ADAM32: variants seen among roughly 807,000 people sequenced by gnomAD.
ADAM32 encodes the protein ADAM metallopeptidase domain 32.
ADAM32 carries 89 observed loss-of-function variants against 114.9 expected under a neutral mutation model. That is an observed-to-expected ratio of 0.77 (90% CI 0.65 to 0.92). The LOEUF (loss-of-function observed/expected upper bound fraction) is 0.92. ADAM32 is among the 40% of genes least tolerant of loss of function. ADAM32 has a pLI of 0.00. For missense variants in ADAM32, 870 were observed against 932.8 expected, an observed-to-expected ratio of 0.93 and a Z score of 0.88; for synonymous variants, 285 against 307.5, an observed-to-expected ratio of 0.93 and a Z score of 0.77.
chr8:39,173,711 T>C (rs1193130026), intron 10 of ADAM32, among the ~76,000 whole-genome samples: 1 of 152,204 alleles, frequency 6.6e-6, no homozygotes, highest in Non-Finnish European at 1.5e-5. Flanking sequence ...GATTGCTTTT[T>C]TCATTTTTGT....
intron 12 of ADAM32, among the ~76,000 whole-genome samples, chr8:39,212,215 C>T (rs374473922): frequency 3.3e-5 from 5 of 152,076 alleles, no homozygotes; most frequent in East Asian, 3.9e-4. Context: ...GGTTTCATCA[C>T]GTTGGTCAGG....
chr8:39,161,793 CAGGGAAA>C (rs981335439), intron 7 of ADAM32, among the ~76,000 whole-genome samples: 5 of 151,746 alleles, frequency 3.3e-5, no homozygotes, highest in Non-Finnish European at 5.9e-5. Context: ...AATTAGAGTA[CAGGGAAA>C]AGGGAAAAGG....
At chr8:39,167,573 G>C (rs1191962033) in intron 9 of ADAM32, 1 of 152,050 alleles carries the variant, frequency 6.6e-6, no homozygotes, top group Non-Finnish European at 1.5e-5. Context: ...TTCTAATTCT[G>C]TGAAGAATGA....
intron 2 of ADAM32, among the ~76,000 whole-genome samples, chr8:39,122,466 G>A (rs1258728406): frequency 1.3e-5 from 2 of 152,158 alleles, no homozygotes; most frequent in African/African-American, 4.8e-5. Flanking sequence ...TGAGAACATA[G>A]TGAGAAAAGA....
chr8:39,108,126 A>T (rs939038915), intron 1 of ADAM32: 13 of 320,458 alleles, frequency 4.1e-5, no homozygotes, highest in African/African-American at 2.8e-4. Context: ...CTACAAAAAA[A>T]TTTAAAAAAA....
intron 14 of ADAM32, among the ~76,000 whole-genome samples, chr8:39,229,152 A>G (rs978073709): frequency 2.6e-5 from 4 of 152,230 alleles, no homozygotes; most frequent in African/African-American, 9.6e-5. Context: ...GCCATTACCA[A>G]GCCACCACTA....
At chr8:39,134,087 C>G (rs762569834) in intron 2 of ADAM32, among the ~76,000 whole-genome samples, 8 of 152,086 alleles carry the variant, frequency 5.3e-5, no homozygotes, top group Non-Finnish European at 1.2e-4. Flanking sequence ...CCCAGCTGCC[C>G]CACTTGTTCC....
intron 14 of ADAM32, among the ~76,000 whole-genome samples, chr8:39,226,437 CA>C (rs1809375047): frequency 6.6e-6 from 1 of 151,700 alleles, no homozygotes; most frequent in Admixed American, 6.6e-5. Context: ...ATACCAAGCT[CA>C]AAATTCTTCA....
chr8:39,235,097 G>C (rs919320668), intron 16 of ADAM32, among the ~76,000 whole-genome samples: 1 of 151,934 alleles, frequency 6.6e-6, no homozygotes, highest in African/African-American at 2.4e-5. Flanking sequence ...CCCAGGATCT[G>C]TAAATAATAA....
chr8:39,123,518 A>G (rs1296618775), intron 2 of ADAM32, among the ~76,000 whole-genome samples: 2 of 152,050 alleles, frequency 1.3e-5, no homozygotes, highest in South Asian at 4.1e-4. Flanking sequence ...CATTTCCCAT[A>G]TTGCATGCTC....
intron 19 of ADAM32, among the ~76,000 whole-genome samples, chr8:39,265,589 A>G (rs1191821697): frequency 6.6e-6 from 1 of 152,194 alleles, no homozygotes; most frequent in Non-Finnish European, 1.5e-5. Flanking sequence ...TTATAGTGTC[A>G]GGGGGCTATG....
intron 1 of ADAM32, among the ~76,000 whole-genome samples, chr8:39,110,012 T>G (rs1840093460): frequency 6.6e-6 from 1 of 151,704 alleles, no homozygotes; most frequent in South Asian, 2.1e-4. Flanking sequence ...TTTTTTTTAC[T>G]TAATAATATG....
At chr8:39,223,002 T>A in intron 13 of ADAM32, 38 bp from the exon 14 acceptor site, 1 of 1,481,296 alleles carries the variant, frequency 6.8e-7, no homozygotes, top group Non-Finnish European at 9.0e-7. Context: ...GTAATCCTAT[T>A]TGTAATGCTT....
chr8:39,284,311 T>A (rs1250366029), intron 24 of ADAM32, among the ~76,000 whole-genome samples: 1 of 151,934 alleles, frequency 6.6e-6, no homozygotes, highest in Non-Finnish European at 1.5e-5. Flanking sequence ...TAGGCTATAA[T>A]GCTTCAGGTC....
At chr8:39,126,082 G>A (rs1021701059) in intron 2 of ADAM32, among the ~76,000 whole-genome samples, 4 of 152,114 alleles carry the variant, frequency 2.6e-5, no homozygotes, top group African/African-American at 9.7e-5. Flanking sequence ...GTAGTTTGAG[G>A]TCATGTAGCA....
chr8:39,138,484 C>A (rs1802941333), intron 3 of ADAM32, among the ~76,000 whole-genome samples: 1 of 152,174 alleles, frequency 6.6e-6, no homozygotes, highest in Admixed American at 6.5e-5. Flanking sequence ...TCATCCATGT[C>A]CCTGCAAAGG....
intron 9 of ADAM32, chr8:39,166,679 A>G (rs1241040367): frequency 6.6e-6 from 1 of 152,184 alleles, no homozygotes; most frequent in Non-Finnish European, 1.5e-5. Flanking sequence ...TTCCATGATC[A>G]CTGCATCCAC....
At chr8:39,139,372 G>A (rs1002127964) in intron 3 of ADAM32, among the ~76,000 whole-genome samples, 9 of 152,032 alleles carry the variant, frequency 5.9e-5, no homozygotes, top group African/African-American at 9.7e-5. Context: ...GGAAGGGATC[G>A]AGTTTCAACT....
intron 16 of ADAM32, among the ~76,000 whole-genome samples, chr8:39,235,493 G>A (rs1300278775): frequency 6.6e-6 from 1 of 152,022 alleles, no homozygotes; most frequent in East Asian, 1.9e-4. Flanking sequence ...ATATATTTAG[G>A]TCATGGAGCA....
Sources: allele counts gnomAD v4.1 joint callset (sites outside exome capture counted in the v4.1 genomes callset), GRCh38; gene constraint gnomAD v4.1.1; transcripts MANE v1.5; gene names NCBI Gene and HGNC (gene_info 2026-07-23, HGNC 2026-07-21).